FCAR: variants seen among roughly 807,000 people sequenced by gnomAD.
FCAR encodes the protein immunoglobulin alpha Fc receptor.
FCAR carries 21 observed loss-of-function variants against 27.1 expected under a neutral mutation model. The observed-to-expected ratio is 0.77, with a 90% confidence interval of 0.55 to 1.11. The LOEUF is 1.11. FCAR is among the 50% of genes most tolerant of loss of function. The pLI is 0.00. For missense variants in FCAR, 404 were observed against 358.4 expected (o/e 1.13, Z -1.03); for synonymous variants, 134 against 135.8 (o/e 0.99, Z 0.09).
chr19:54,882,595 C>T (rs981990746), intron 2 of FCAR, among the ~76,000 whole-genome samples: 3 of 151,954 alleles, frequency 2.0e-5, no homozygotes, highest in Non-Finnish European at 2.9e-5. Flanking sequence ...TGTGCCACCA[C>T]GCCCGGCTAA....
intron 2 of FCAR, among the ~76,000 whole-genome samples, chr19:54,876,906 GCGAGACTCCTATAT>G (rs2066130112): frequency 6.6e-6 from 1 of 152,322 alleles, no homozygotes; most frequent in African/African-American, 2.4e-5. Context: ...GGGCAACAGA[GCGAGACTCCTATAT>G]CGAATCAACC....
At chr19:54,876,883 TA>T (rs2066127859) in intron 2 of FCAR, among the ~76,000 whole-genome samples, 1 of 152,192 alleles carries the variant, frequency 6.6e-6, no homozygotes. Context: ...TTCACGCCAC[TA>T]CACTCCAGCC....
intron 4 of FCAR, among the ~76,000 whole-genome samples, chr19:54,889,391 A>AC (rs1231854533): frequency 4.8e-5 from 6 of 124,348 alleles, no homozygotes; most frequent in Admixed American, 2.6e-4. Context: ...AAAAAAAAAA[A>AC]ACACACACAA....
chr19:54,883,109 G>T (rs2066514793), intron 2 of FCAR, among the ~76,000 whole-genome samples: 1 of 152,032 alleles, frequency 6.6e-6, no homozygotes, highest in Non-Finnish European at 1.5e-5. Context: ...CAGGCTAAGT[G>T]ATCCTCCTGC....
At chr19:54,881,905 AAATAAATAAATAAATAAATAAATAAATT>A (rs1427210643) in intron 2 of FCAR, among the ~76,000 whole-genome samples, 745 of 38,122 alleles carry the variant, frequency 0.02, 12 homozygotes, top group African/African-American at 0.063. Flanking sequence ...ATAAATAAAT[AAATAAATAAATAAATAAATAAATAAATT>A]GAAGCATGAA....
At chr19:54,887,018 TCCCAGCA>T (rs2066770669) in intron 3 of FCAR, among the ~76,000 whole-genome samples, 1 of 71,858 alleles carries the variant, frequency 1.4e-5, no homozygotes, top group Non-Finnish European at 3.1e-5. Flanking sequence ...GTGCCTGTAA[TCCCAGCA>T]CTTTGGGAGG....
At chr19:54,874,368 T>A (rs1483138256) in intron 1 of FCAR, 45 bp downstream of exon 1, 4 of 1,587,810 alleles carry the variant, frequency 2.5e-6, no homozygotes, top group Non-Finnish European at 3.5e-6. Flanking sequence ...GATAGAGAAA[T>A]CCCAAAATAA....
chr19:54,889,779 G>C lies in FCAR; in HGVS notation c.780G>C (p.Ser260=). Residue 260 remains serine (S), a synonymous_variant, in exon 5 of 5, where the codon TCG becomes TCC. Coordinates refer to ENST00000355524, the MANE Select transcript of FCAR (RefSeq NM_002000.4). Reference sequence around the variant, plus strand: ...ATACGGCACTGAACAAGGAAGCCTCGGCAGATGTGGCTGAACCGAGCTGGA... The same window carrying C: ...ATACGGCACTGAACAAGGAAGCCTCCGCAGATGTGGCTGAACCGAGCTGGA... ...HSHTALNKEA[S]ADVAEPSWSQ... The C allele has an allele frequency of 6.2e-7, 1 of 1,613,620 alleles. No individual in the cohort carries two copies. The highest frequency in any genetic ancestry group is 8.5e-7 in the Non-Finnish European group (1 of 1,179,994).
In FCAR at chr19:54,885,360, T is replaced by C; in HGVS notation, c.196T>C (p.Ser66Pro). 1 of 1,614,010 alleles carries C rather than the reference T, an allele frequency of 6.2e-7. No homozygotes were observed. Among genetic ancestry groups the C allele is most frequent in the South Asian group, 1.1e-5 (1 of 91,072 alleles). Residue 66 changes from serine to proline, a missense_variant, in exon 3 of 5, where the codon TCC (serine) becomes CCC (proline). By Grantham distance (74) the Ser-to-Pro change is moderately conservative. Coordinates refer to ENST00000355524, the MANE Select transcript of FCAR (RefSeq NM_002000.4). ...YLTQLMIIKN[S>P]TYREIGRRLK... is the part of the protein sequence containing the mutation. Reference sequence around the variant, plus strand: ...GACCCAGCTGATGATCATAAAAAACTCCACGTACCGAGAGATAGGCAGAAG... The same window carrying C: ...GACCCAGCTGATGATCATAAAAAACCCCACGTACCGAGAGATAGGCAGAAG...
chr19:54,884,713 C>CT (rs1217727369), intron 2 of FCAR, among the ~76,000 whole-genome samples: 1 of 151,880 alleles, frequency 6.6e-6, no homozygotes, highest in Non-Finnish European at 1.5e-5. Flanking sequence ...GAAAAACTGC[C>CT]TATTGGGTAC....
chr19:54,882,379 G>A (rs1409356300), intron 2 of FCAR, among the ~76,000 whole-genome samples: 1 of 151,390 alleles, frequency 6.6e-6, no homozygotes, highest in Non-Finnish European at 1.5e-5. Flanking sequence ...CTAAGAACCA[G>A]ATTTCTGGGG....
rs369048431 is a variant in FCAR, at chr19:54,885,423, A to G, written c.259A>G (p.Ile87Val). 11 of 1,614,020 alleles carry G rather than the reference A, an allele frequency of 6.8e-6. No individual in the cohort carries two copies. In the African/African-American group the frequency reaches 1.5e-4, roughly 22 times the overall value. ...FWNETDPEFV[I>V]DHMDANKAGR... Reference sequence around the variant, plus strand: ...GAATGAGACTGATCCTGAGTTCGTCATTGACCACATGGACGCAAACAAGGC... The same window carrying G: ...GAATGAGACTGATCCTGAGTTCGTCGTTGACCACATGGACGCAAACAAGGC... Residue 87 changes from isoleucine (I) to valine (V), a missense_variant, in exon 3 of 5, where the codon ATT becomes GTT. Transcript: ENST00000355524.
At chr19:54,887,888 G>C (rs1398322959) in intron 3 of FCAR, 119 bp from the exon 4 acceptor site, 1 of 757,856 alleles carries the variant, frequency 1.3e-6, no homozygotes, top group Non-Finnish European at 2.0e-6. Flanking sequence ...CTGCACTCCA[G>C]CTTGGGCAAT....
At chr19:54,883,173 T>G (rs1459313707) in intron 2 of FCAR, among the ~76,000 whole-genome samples, 3 of 150,914 alleles carry the variant, frequency 2.0e-5, no homozygotes, top group African/African-American at 7.4e-5. Flanking sequence ...AAAGAGAAAA[T>G]TTTTGTAATT....
At position 54,874,549 on chromosome 19, in the gene FCAR, T is replaced by C. The variant is rs1334738164; in HGVS notation, c.34+226T>C. Among the ~76,000 whole-genome samples, 3 of 152,076 alleles carry C rather than the reference T, an allele frequency of 2.0e-5. No individual in the cohort carries two copies. The East Asian group carries it at 5.8e-4, about 29-fold the overall frequency. ...TAATATTTGTATTAAACCTATAGTG[T>C]GTTATCTGGGATTCATGATGGTCCC... On this transcript the variant is annotated intron_variant, in intron 1 of 4. Transcript: ENST00000355524.
At chr19:54,880,510 A>G (rs1221287963) in intron 2 of FCAR, among the ~76,000 whole-genome samples, 1 of 152,104 alleles carries the variant, frequency 6.6e-6, no homozygotes, top group African/African-American at 2.4e-5. Context: ...CTGAATCTTG[A>G]TGACCTTAAT....
intron 2 of FCAR, among the ~76,000 whole-genome samples, chr19:54,876,005 C>A (rs1472249758): frequency 2.0e-5 from 3 of 152,214 alleles, no homozygotes; most frequent in Non-Finnish European, 4.4e-5. Context: ...TCTATGATTT[C>A]TTTGACCAGT....
chr19:54,889,327 A>AGG (rs1569533689), intron 4 of FCAR, among the ~76,000 whole-genome samples: 1 of 142,460 alleles, frequency 7.0e-6, no homozygotes, highest in African/African-American at 2.7e-5. Flanking sequence ...AGCCGAGATC[A>AGG]CGCCACTGCA....
In FCAR at chr19:54,874,281, G is replaced by C. The variant is rs374753185; in HGVS notation, c.-9G>C. 3 of 1,614,042 alleles carry C rather than the reference G, an allele frequency of 1.9e-6. No individual in the cohort carries two copies. Among genetic ancestry groups the C allele is most frequent in the Non-Finnish European group, 2.5e-6 (3 of 1,180,010 alleles). On this transcript the variant is annotated 5_prime_UTR_variant, in exon 1 of 5. Transcript: ENST00000355524. Reference sequence around the variant, plus strand: ...AGGAGAGCAACGGGGCTGAGGCCGTGTCAGCACGATGGACCCCAAACAGAC... The same window carrying C: ...AGGAGAGCAACGGGGCTGAGGCCGTCTCAGCACGATGGACCCCAAACAGAC...
Sources: gnomAD v4.1 joint callset for allele counts (sites outside exome capture counted in the v4.1 genomes callset) on GRCh38, gnomAD v4.1.1 for gene constraint, MANE v1.5 for transcripts, NCBI Gene and HGNC (gene_info 2026-07-23, HGNC 2026-07-21) for gene names.